The following NLRX1 variants were observed in gnomAD, a reference collection of about 807,000 sequenced individuals.
NLRX1 encodes the protein NOD-like receptor X1.
NLRX1 carries 67 observed loss-of-function variants against 74.2 expected under a neutral mutation model. That is an observed-to-expected ratio of 0.90 (90% CI 0.74 to 1.11). The LOEUF (loss-of-function observed/expected upper bound fraction) is 1.11. Among genes scored for constraint, NLRX1 ranks in the 50% least tolerant of loss-of-function variants. The pLI is 0.00. For missense variants in NLRX1, 1,191 were observed against 1,305.4 expected (o/e 0.91, Z 1.35); for synonymous variants, 506 against 559.1 (o/e 0.91, Z 1.34).
In NLRX1 at chr11:119,182,316, C is replaced by T. The variant is rs773337852; in HGVS notation, c.2577C>T (p.Ala859=). 6.2e-7 allele frequency: 1 copy of T among 1,613,060 alleles called. No individual in the cohort carries two copies. The highest frequency in any genetic ancestry group is 1.7e-5 in the Admixed American group (1 of 60,012). Residue 859 remains alanine (A), a synonymous_variant, in exon 9 of 10, where the codon GCC becomes GCT. Transcript: ENST00000409109. ...CGGCCCTGGCCCTGGCCAGAGCTGC[C>T]CGGGAGCACCCTTCCCTGGAACTGC... ...DTAALALARA[A]REHPSLELLH...
chr11:119,172,405 G>A lies in NLRX1; in HGVS notation c.120G>A (p.Glu40=), dbSNP rs774391248. 5.6e-6 allele frequency: 9 copies of A among 1,613,542 alleles called. No individual in the cohort carries two copies. The South Asian group carries it at 8.8e-5, about 16-fold the overall frequency. ...LIHWSWPLQG[E]RPFGPPRAFI... ...ACTGGAGTTGGCCCCTTCAAGGGGA[G>A]CGTCCCTTTGGGCCCCCTAGGTGAG... The change falls in exon 3 of 10, where the codon GAG becomes GAA. Residue 40 remains glutamate (E), a synonymous_variant. Transcript: ENST00000409109.
At chr11:119,171,584 C>A in intron 2 of NLRX1, 111 bp downstream of exon 2, 1 of 716,400 alleles carries the variant, frequency 1.4e-6, no homozygotes, top group South Asian at 1.7e-5. Context: ...GTCTCAGCTC[C>A]GTGGTTCTCT....
intron 6 of NLRX1, among the ~76,000 whole-genome samples, chr11:119,177,073 A>T (rs567973190): frequency 1.3e-5 from 2 of 148,708 alleles, no homozygotes; most frequent in South Asian, 4.2e-4. Flanking sequence ...AGTGCTATTT[A>T]ATTGTTTTTT....
At position 119,173,085 on chromosome 11, in the gene NLRX1, C is replaced by T; in HGVS notation, c.229+96C>T. 3 of 917,212 alleles carry T rather than the reference C, an allele frequency of 3.3e-6. No homozygotes were observed. The highest frequency in any genetic ancestry group is 2.5e-5 in the East Asian group (1 of 40,692). The allele number at this position is 917,212 out of a possible 1,614,324, so 56.8% of individuals were successfully genotyped here. On this transcript the variant is annotated intron_variant, in intron 4 of 9. Coordinates refer to ENST00000409109, the MANE Select transcript of NLRX1 (RefSeq NM_001282144.2). The surrounding 1 kb of genome is among the most constrained non-coding windows in gnomAD (Gnocchi z 4.0). ...GAGGGAGGCATAGAGGATCCACTGC[C>T]ATCTTCCATCGGTGGTCCCTCCTCC...
At position 119,173,391 on chromosome 11, in the gene NLRX1, C is replaced by T; in HGVS notation, c.230-88C>T. The stretch of plus-strand genomic sequence containing the variant: ...CCCCAGCATCTATGCCGTGATGTCC[C>T]AGCCTGACCTCACCACCGCCCTGAT... On this transcript the variant is annotated intron_variant, in intron 4 of 9. Transcript: ENST00000409109. This position sits in a 1 kb window ranked among gnomAD's most constrained non-coding sequence, Gnocchi z 4.0. 1 of 1,409,264 alleles carries T rather than the reference C, an allele frequency of 7.1e-7. No homozygotes were observed. The highest frequency in any genetic ancestry group is 1.3e-5 in the South Asian group (1 of 78,496). The allele number at this position is 1,409,264 out of a possible 1,614,324, so 87.3% of individuals were successfully genotyped here.
At chr11:119,175,403 C>G (rs1339949088) in intron 6 of NLRX1, 129 bp downstream of exon 6, 1 of 769,354 alleles carries the variant, frequency 1.3e-6, no homozygotes, top group African/African-American at 1.7e-5. Context: ...CTGCTTCCTG[C>G]AAAGGTATGA....
Position 119,173,218 on chromosome 11 carries a change from A to G in NLRX1, c.229+229A>G, listed in dbSNP as rs117993968. 411 of 615,914 alleles carry G rather than the reference A, an allele frequency of 6.7e-4. 2 individuals carry two copies. The East Asian group carries it at 8.2e-3, about 12-fold the overall frequency. The allele number at this position is 615,914 out of a possible 1,614,324, so 38.2% of individuals were successfully genotyped here. ...GAGAGCCATACCATCCCTATGCTCA[A>G]CAAAGTTGGGTCAAGCAGGTTAAGA... is the stretch of plus-strand genomic sequence containing the variant. On this transcript the variant is annotated intron_variant, in intron 4 of 9. Transcript: ENST00000409109. This position sits in a 1 kb window ranked among gnomAD's most constrained non-coding sequence, Gnocchi z 4.0.
Position 119,180,269 on chromosome 11 carries a change from C to T in NLRX1, c.2248C>T (p.Leu750=). The T allele has an allele frequency of 6.3e-7, 1 of 1,584,380 alleles. No homozygotes were observed. Among genetic ancestry groups the T allele is most frequent in the Non-Finnish European group, 8.6e-7 (1 of 1,158,906 alleles). The change falls in exon 7 of 10, where the codon CTG becomes TTG. Residue 750 remains leucine, a synonymous_variant. Transcript: ENST00000409109. ...GCTGCGCACACTCCTGCCTGTCTTC[C>T]TGCGTGCCCGGAAGCTGGGGTGAGG... ...AGLRTLLPVF[L]RARKLGLQLN...
At chr11:119,181,977 C>A in intron 8 of NLRX1, 117 bp from the exon 9 acceptor site, 1 of 1,309,896 alleles carries the variant, frequency 7.6e-7, no homozygotes, top group Non-Finnish European at 1.1e-6. Flanking sequence ...CCCTCTTTGG[C>A]CCAAGTCCTG....
At chr11:119,170,912 G>C (rs1478092762) in intron 1 of NLRX1, among the ~76,000 whole-genome samples, 1 of 152,220 alleles carries the variant, frequency 6.6e-6, no homozygotes, top group African/African-American at 2.4e-5. Flanking sequence ...GCAAGGCCAA[G>C]GCAGGCAGAT....
At position 119,182,284 on chromosome 11, in the gene NLRX1, GAC is replaced by G; in HGVS notation, c.2549_2550del (p.Thr850SerfsTer24). On this transcript the variant is annotated frameshift_variant, in exon 9 of 10. Coordinates refer to ENST00000409109, the MANE Select transcript of NLRX1 (RefSeq NM_001282144.2). LOFTEE classifies it high-confidence loss of function. ...GAACGTGGCGTACAACGGTGCTGGT[GAC>G]ACAGCGGCCCTGGCCCTGGCCAGAG... The part of the protein sequence containing the change: ...ELNVAYNGAG[D>X]TAALALARAA... The G allele has an allele frequency of 1.2e-6, 2 of 1,613,656 alleles. No homozygotes were observed. Among genetic ancestry groups the G allele is most frequent in the Non-Finnish European group, 1.7e-6 (2 of 1,180,026 alleles).
intron 2 of NLRX1, 83 bp downstream of exon 2, chr11:119,171,556 C>A: frequency 1.0e-6 from 1 of 977,674 alleles, no homozygotes; most frequent in South Asian, 1.4e-5. Flanking sequence ...AGCAGGGATC[C>A]AGACACCAGG....
chr11:119,177,708 A>G (rs1948734716), intron 6 of NLRX1: 2 of 152,008 alleles, frequency 1.3e-5, no homozygotes, highest in African/African-American at 4.8e-5. Context: ...CACCTCCGAC[A>G]GGAGGTCACA....
In NLRX1 at chr11:119,173,659, C is replaced by T. The variant is rs141904491; in HGVS notation, c.410C>T (p.Pro137Leu). The T allele has an allele frequency of 5.5e-5, 88 of 1,614,108 alleles. No individual in the cohort carries two copies. The African/African-American group carries it at 8.3e-4, about 15-fold the overall frequency. ...GAGCTGGCCCTGGAGCATCAGCCAC[C>T]CCAGGCCGGGCTCCCCCCACTGGCC... ...PAELALEHQP[P>L]QAGLPPLALS... is the part of the protein sequence containing the mutation. Residue 137 changes from proline (P) to leucine (L), a missense_variant, in exon 5 of 10, where the codon CCC becomes CTC. Physicochemically the swap from Pro to Leu is moderately conservative, Grantham distance 98 (BLOSUM62 -3). Transcript: ENST00000409109. The surrounding 1 kb of genome is among the most constrained non-coding windows in gnomAD (Gnocchi z 4.0).
Position 119,174,052 on chromosome 11 carries a change from C to T in NLRX1, c.803C>T (p.Pro268Leu), listed in dbSNP as rs1240164797. 6.2e-7 allele frequency: 1 copy of T among 1,614,066 alleles called. No homozygotes were observed. The highest frequency in any genetic ancestry group is 1.3e-5 in the African/African-American group (1 of 74,924). Residue 268 changes from proline to leucine, a missense_variant, in exon 5 of 10, where the codon CCA (proline) becomes CTA (leucine). Pro to Leu is a moderately conservative substitution (Grantham distance 98). Transcript: ENST00000409109. ...LCSDPEEPQE[P>L]AAIIVNLLRK... is the part of the protein sequence containing the mutation. ...AGTGACCCGGAGGAACCGCAGGAACCAGCTGCTATCATCGTCAACCTGCTG... is the reference window on the plus strand; with the variant it reads ...AGTGACCCGGAGGAACCGCAGGAACTAGCTGCTATCATCGTCAACCTGCTG...
rs570718470 is a variant in NLRX1, at chr11:119,169,100, G to C, written c.-251G>C. Reference sequence around the variant, plus strand: ...CCCTGGCTGGGAGGCCGCGCTGAGCGGGGGGCAGGGCGGGCCGGGGGAGGA... The same window carrying C: ...CCCTGGCTGGGAGGCCGCGCTGAGCCGGGGGCAGGGCGGGCCGGGGGAGGA... On this transcript the variant is annotated 5_prime_UTR_variant, in exon 1 of 10. Coordinates refer to ENST00000409109, the MANE Select transcript of NLRX1 (RefSeq NM_001282144.2). 2.6e-5 allele frequency: 4 copies of C among 152,516 alleles called. No individual in the cohort carries two copies. The highest frequency in any genetic ancestry group is 9.6e-5 in the African/African-American group (4 of 41,462). 9.4% of individuals were successfully genotyped at this position (152,516 alleles called of 1,614,324 possible). A position where few individuals can be genotyped will look rare whatever the true frequency, so the allele number is the denominator to read the frequency against.
rs548414538 is a variant in NLRX1 at position 119,178,860 on chromosome 11, T to G, written c.1672-833T>G. On this transcript the variant is annotated intron_variant, in intron 6 of 9. Coordinates refer to ENST00000409109, the MANE Select transcript of NLRX1 (RefSeq NM_001282144.2). ...TAATTTATTTTTAATTAAGAAAATTTTTTTAATAGAGATGGCATCTTGCTA... is the reference window on the plus strand; with the variant it reads ...TAATTTATTTTTAATTAAGAAAATTGTTTTAATAGAGATGGCATCTTGCTA... 5.1e-4 allele frequency among the ~76,000 whole-genome samples: 77 copies of G among 152,264 alleles called. No homozygotes were observed. The South Asian group carries it at 9.7e-3, about 19-fold the overall frequency.
At chr11:119,180,965 C>T (rs527566833) in intron 7 of NLRX1, among the ~76,000 whole-genome samples, 47 of 152,146 alleles carry the variant, frequency 3.1e-4, no homozygotes, top group Non-Finnish European at 6.3e-4. Flanking sequence ...TGCTTGAGCC[C>T]AGGAGTCTGA....
intron 9 of NLRX1, among the ~76,000 whole-genome samples, 189 bp from the exon 10 acceptor site, chr11:119,182,929 A>G (rs1433390669): frequency 1.3e-5 from 2 of 151,906 alleles, no homozygotes; most frequent in Non-Finnish European, 2.9e-5. Flanking sequence ...CAAAAAAAAA[A>G]AAGAATTTTA....
Sources: gnomAD v4.1 joint callset for allele counts (sites outside exome capture counted in the v4.1 genomes callset) on GRCh38, gnomAD v4.1.1 for gene constraint, Gnocchi (gnomAD v3.1) non-coding constraint, MANE v1.5 for transcripts, NCBI Gene and HGNC (gene_info 2026-07-23, HGNC 2026-07-21) for gene names.